Variants in PCDHGB6 observed in about 807,000 individuals in gnomAD.
The protein encoded by PCDHGB6 is protocadherin gamma subfamily B, 6.
Under a neutral mutation model 59.1 loss-of-function variants are expected in PCDHGB6, and 51 were observed. That is an observed-to-expected ratio of 0.86 (90% CI 0.69 to 1.09). PCDHGB6 has a LOEUF of 1.09. Among genes scored for constraint, PCDHGB6 ranks in the 50% least tolerant of loss-of-function variants. The probability of loss-of-function intolerance (pLI) is 0.00; values close to 1 mark genes in which losing one functional copy is unlikely to be tolerated. For missense variants in PCDHGB6, 1,148 were observed against 1,205.1 expected (o/e 0.95, Z 0.70); for synonymous variants, 466 against 495.1 (o/e 0.94, Z 0.78).
In PCDHGB6 at chr5:141,491,219, C is replaced by T; in HGVS notation, c.2419-3588C>T. ...GGTGACCCTTCACTCTCCTCCACAG[C>T]CACAGTGCTGCTGGTTCTGGAGGAT... is the stretch of plus-strand genomic sequence containing the variant. On this transcript the variant is annotated intron_variant, in intron 1 of 3. Coordinates refer to ENST00000520790, the MANE Select transcript of PCDHGB6 (RefSeq NM_018926.3). The surrounding 1 kb of genome is among the most constrained non-coding windows in gnomAD (Gnocchi z 6.9). 3 of 1,614,208 alleles carry T rather than the reference C, an allele frequency of 1.9e-6. No homozygotes were observed. The highest frequency in any genetic ancestry group is 2.5e-6 in the Non-Finnish European group (3 of 1,180,028).
rs758782567 is a variant in PCDHGB6, at chr5:141,486,792, G to A, written c.2419-8015G>A. ...CAGTTTGAGGTGCAGGCCCGGGATCGGGGCAACCCACCCCTTAGCAGCACT... is the reference window on the plus strand; with the variant it reads ...CAGTTTGAGGTGCAGGCCCGGGATCAGGGCAACCCACCCCTTAGCAGCACT... On this transcript the variant is annotated intron_variant, in intron 1 of 3. Coordinates refer to ENST00000520790, the MANE Select transcript of PCDHGB6 (RefSeq NM_018926.3). This position sits in a 1 kb window ranked among gnomAD's most constrained non-coding sequence, Gnocchi z 5.0. The A allele has an allele frequency of 3.7e-5, 59 of 1,614,094 alleles. No homozygotes were observed. The Middle Eastern group carries it at 4.9e-4, about 13-fold the overall frequency.
At position 141,409,756 on chromosome 5, in the gene PCDHGB6, C is replaced by G; in HGVS notation, c.1554C>G (p.Arg518=). 6.2e-7 allele frequency: 1 copy of G among 1,612,994 alleles called. No individual in the cohort carries two copies. The highest frequency in any genetic ancestry group is 8.5e-7 in the Non-Finnish European group (1 of 1,179,842). Residue 518 remains arginine (R), a synonymous_variant, in exon 1 of 4, where the codon CGC becomes CGG. Coordinates refer to ENST00000520790, the MANE Select transcript of PCDHGB6 (RefSeq NM_018926.3). ...SAQSGVVFAQ[R]AFDHEQLRAF... ...AGAGCGGGGTGGTGTTCGCGCAGCG[C>G]GCCTTTGATCACGAGCAGCTGCGCG...
intron 1 of PCDHGB6, chr5:141,422,397 C>A (rs753017439): frequency 6.3e-6 from 10 of 1,597,488 alleles, no homozygotes; most frequent in African/African-American, 2.7e-5. Context: ...TTCCTAACCA[C>A]CTGCCTTTTA....
intron 1 of PCDHGB6, chr5:141,415,337 G>A: frequency 1.2e-6 from 2 of 1,614,210 alleles, no homozygotes; most frequent in Non-Finnish European, 1.7e-6. Flanking sequence ...CACAGGCTGC[G>A]GCGCTGGCAC....
chr5:141,469,499 C>T lies in PCDHGB6; in HGVS notation c.2419-25308C>T, dbSNP rs1023274165. Among the ~76,000 whole-genome samples, 22 of 152,128 alleles carry T rather than the reference C, an allele frequency of 1.4e-4. 1 individual carries two copies. The highest frequency in any genetic ancestry group is 3.9e-4 in the African/African-American group (16 of 41,510). On this transcript the variant is annotated intron_variant, in intron 1 of 3. Coordinates refer to ENST00000520790, the MANE Select transcript of PCDHGB6 (RefSeq NM_018926.3). ...CTGAGGCAGGAGAATCGCTTGAACC[C>T]GGGAGGTGGAGGTTGCAGTGAGCCA...
In PCDHGB6 at chr5:141,489,950, A is replaced by C. The variant is rs1055715796; in HGVS notation, c.2419-4857A>C. 1 of 1,614,192 alleles carries C rather than the reference A, an allele frequency of 6.2e-7. No homozygotes were observed. The highest frequency in any genetic ancestry group is 1.3e-5 in the African/African-American group (1 of 75,060). ...TCTGTCATCGTGCTGGACATCAATG[A>C]TAATGCTCCAACCTTCCAATCCTCA... is the stretch of plus-strand genomic sequence containing the variant. On this transcript the variant is annotated intron_variant, in intron 1 of 3. Coordinates refer to ENST00000520790, the MANE Select transcript of PCDHGB6 (RefSeq NM_018926.3). The surrounding 1 kb of genome is among the most constrained non-coding windows in gnomAD (Gnocchi z 4.5).
At chr5:141,418,057 G>A (rs2096216088) in intron 1 of PCDHGB6, 2 of 1,614,050 alleles carry the variant, frequency 1.2e-6, no homozygotes, top group East Asian at 4.5e-5. Context: ...CTCGCGAGCT[G>A]CGAGTGAGCG....
Position 141,431,485 on chromosome 5 carries a change from T to G in PCDHGB6, c.2418+20865T>G. 2 of 1,613,924 alleles carry G rather than the reference T, an allele frequency of 1.2e-6. No individual in the cohort carries two copies. Among genetic ancestry groups the G allele is most frequent in the Non-Finnish European group, 1.7e-6 (2 of 1,179,990 alleles). ...ATGCGAACGACAACGCACCAGCGTTTGCTCAGCCCGAGTACCGCGCGAGCG... is the reference window on the plus strand; with the variant it reads ...ATGCGAACGACAACGCACCAGCGTTGGCTCAGCCCGAGTACCGCGCGAGCG... On this transcript the variant is annotated intron_variant, in intron 1 of 3. Coordinates refer to ENST00000520790, the MANE Select transcript of PCDHGB6 (RefSeq NM_018926.3). This position sits in a 1 kb window ranked among gnomAD's most constrained non-coding sequence, Gnocchi z 4.8.
chr5:141,465,454 T>G (rs1031876441), intron 1 of PCDHGB6, among the ~76,000 whole-genome samples: 1 of 152,184 alleles, frequency 6.6e-6, no homozygotes, highest in African/African-American at 2.4e-5. Context: ...AAGAAAACTC[T>G]CACCAAATTG....
At position 141,419,393 on chromosome 5, in the gene PCDHGB6, G is replaced by A. The variant is rs1226844501; in HGVS notation, c.2418+8773G>A. On this transcript the variant is annotated intron_variant, in intron 1 of 3. Transcript: ENST00000520790. The stretch of plus-strand genomic sequence containing the variant: ...CTACGTGTCCGTGAGCGCGCAGAGC[G>A]GGGTGGTGTTCGCGCAGCGCGCCTT... 6.2e-7 allele frequency: 1 copy of A among 1,613,502 alleles called. No homozygotes were observed. Among genetic ancestry groups the A allele is most frequent in the Non-Finnish European group, 8.5e-7 (1 of 1,179,920 alleles).
At chr5:141,426,678 T>C (rs2096951425) in intron 1 of PCDHGB6, 2 of 431,490 alleles carry the variant, frequency 4.6e-6, no homozygotes, top group Admixed American at 5.1e-5. Flanking sequence ...CCCACCTCAT[T>C]TTCCCCAAAA....
chr5:141,494,400 C>A (rs2099754045), intron 1 of PCDHGB6, among the ~76,000 whole-genome samples: 1 of 152,158 alleles, frequency 6.6e-6, no homozygotes, highest in African/African-American at 2.4e-5. Flanking sequence ...TAAATTCATT[C>A]TAGGGCTGGT....
chr5:141,446,800 G>C (rs1332771959), intron 1 of PCDHGB6, among the ~76,000 whole-genome samples: 1 of 152,150 alleles, frequency 6.6e-6, no homozygotes, highest in African/African-American at 2.4e-5. Flanking sequence ...TTCTTCCATT[G>C]TGATCATCTA....
Position 141,432,169 on chromosome 5 carries a change from C to T in PCDHGB6, c.2418+21549C>T. On this transcript the variant is annotated intron_variant, in intron 1 of 3. Transcript: ENST00000520790. The surrounding 1 kb of genome is among the most constrained non-coding windows in gnomAD (Gnocchi z 6.0). ...CAGAGAACAATCCCAGAGGAGTTTCCCTCGTCTCTGTGACCGCCCACGACC... is the reference window on the plus strand; with the variant it reads ...CAGAGAACAATCCCAGAGGAGTTTCTCTCGTCTCTGTGACCGCCCACGACC... The T allele has an allele frequency of 6.2e-7, 1 of 1,614,204 alleles. No homozygotes were observed. The highest frequency in any genetic ancestry group is 1.6e-4 in the Middle Eastern group (1 of 6,062).
At chr5:141,472,408 G>T (rs780468341) in intron 1 of PCDHGB6, among the ~76,000 whole-genome samples, 1 of 152,064 alleles carries the variant, frequency 6.6e-6, no homozygotes, top group Non-Finnish European at 1.5e-5. Flanking sequence ...AGGCGTGGTG[G>T]CACGCACCTG....
Position 141,408,742 on chromosome 5 carries a change from A to G in PCDHGB6, c.540A>G (p.Leu180=). Residue 180 remains leucine (L), a synonymous_variant, in exon 1 of 4, where the codon TTA becomes TTG. Transcript: ENST00000520790. The part of the protein sequence containing the change: ...YKINSNPYFS[L]MVRVNSDGGK... Reference sequence around the variant, plus strand: ...TAAACTCTAATCCTTATTTTTCATTAATGGTTAGAGTTAATTCCGATGGTG... The same window carrying G: ...TAAACTCTAATCCTTATTTTTCATTGATGGTTAGAGTTAATTCCGATGGTG... 1 of 1,610,074 alleles carries G rather than the reference A, an allele frequency of 6.2e-7. No individual in the cohort carries two copies. Among genetic ancestry groups the G allele is most frequent in the Non-Finnish European group, 8.5e-7 (1 of 1,177,810 alleles).
At position 141,505,489 on chromosome 5, in the gene PCDHGB6, G is replaced by A. The variant is rs759637750; in HGVS notation, c.2566+8G>A. On this transcript the variant is annotated splice_region_variant and intron_variant, in intron 3 of 3. Coordinates refer to ENST00000520790, the MANE Select transcript of PCDHGB6 (RefSeq NM_018926.3). ...TCTTGGCGTCCGCCAGTGGTAAGTG[G>A]TGTCAGTGTGTGTATGGAAGAGTGG... The A allele has an allele frequency of 6.2e-7, 1 of 1,614,218 alleles. No homozygotes were observed. The highest frequency in any genetic ancestry group is 1.7e-5 in the Admixed American group (1 of 60,032).
chr5:141,477,656 C>A lies in PCDHGB6; in HGVS notation c.2419-17151C>A. ...AGTGGGTCGCTATTTCACAATAAAT[C>A]GTGACAATGGCATAGTGTCATCCTT... On this transcript the variant is annotated intron_variant, in intron 1 of 3. Transcript: ENST00000520790. The surrounding 1 kb of genome is among the most constrained non-coding windows in gnomAD (Gnocchi z 4.9). 1 of 1,614,184 alleles carries A rather than the reference C, an allele frequency of 6.2e-7. No homozygotes were observed.
Position 141,485,730 on chromosome 5 carries a change from G to A in PCDHGB6, c.2419-9077G>A. On this transcript the variant is annotated intron_variant, in intron 1 of 3. Coordinates refer to ENST00000520790, the MANE Select transcript of PCDHGB6 (RefSeq NM_018926.3). This position sits in a 1 kb window ranked among gnomAD's most constrained non-coding sequence, Gnocchi z 5.7. ...TTTGCACTGGATGTGAAGAAGCGCA[G>A]CGACGGCAGCCTGGTCCCAGAGCTG... is the stretch of plus-strand genomic sequence containing the variant. 1 of 1,614,200 alleles carries A rather than the reference G, an allele frequency of 6.2e-7. No individual in the cohort carries two copies. Among genetic ancestry groups the A allele is most frequent in the Non-Finnish European group, 8.5e-7 (1 of 1,180,024 alleles).
Sources: allele counts gnomAD v4.1 joint callset (sites outside exome capture counted in the v4.1 genomes callset), GRCh38; gene constraint gnomAD v4.1.1; non-coding constraint Gnocchi (gnomAD v3.1); transcripts MANE v1.5; gene names NCBI Gene and HGNC (gene_info 2026-07-23, HGNC 2026-07-21).